CACNA1B: variants seen among roughly 807,000 people sequenced by gnomAD.
CACNA1B encodes voltage-dependent N-type calcium channel subunit alpha-1B.
A neutral mutation model predicts 247.2 loss-of-function variants in CACNA1B; 70 were observed. That is an observed-to-expected ratio of 0.28 (90% CI 0.23 to 0.35). The LOEUF (loss-of-function observed/expected upper bound fraction) is 0.35, where lower values mean the gene tolerates loss of function less well. CACNA1B is among the 10% of genes least tolerant of loss of function. The pLI is 1.00. For synonymous variants in CACNA1B, 1,231 were observed against 1,294.4 expected (o/e 0.95, Z 1.05); for missense variants, 2,367 against 3,197.4 (o/e 0.74, Z 6.26).
chr9:138,080,440 A>C (rs1960488790), intron 36 of CACNA1B, among the ~76,000 whole-genome samples: 2 of 152,342 alleles, frequency 1.3e-5, no homozygotes, highest in South Asian at 4.1e-4. Context: ...TGCCGTCATT[A>C]CATTATCATT....
At chr9:138,038,234 T>C (rs181658768) in intron 20 of CACNA1B, among the ~76,000 whole-genome samples, 3 of 152,364 alleles carry the variant, frequency 2.0e-5, no homozygotes, top group East Asian at 3.9e-4. Context: ...TCTTGGCCAA[T>C]GTTCACCCTT....
At chr9:137,907,427 C>T (rs1957311281) in intron 3 of CACNA1B, among the ~76,000 whole-genome samples, 1 of 152,146 alleles carries the variant, frequency 6.6e-6, no homozygotes, top group Admixed American at 6.5e-5. Context: ...TAAAACTTTC[C>T]TAGAAGTGGC....
intron 39 of CACNA1B, among the ~76,000 whole-genome samples, chr9:138,112,152 G>C (rs1259233028): frequency 7.7e-6 from 1 of 130,630 alleles, no homozygotes. Flanking sequence ...ACACACACGT[G>C]TGCACATGAG....
In CACNA1B at chr9:138,057,702, C is replaced by T; in HGVS notation, c.3969-30C>T. On this transcript the variant is annotated intron_variant, in intron 26 of 46. Coordinates refer to ENST00000371372, the MANE Select transcript of CACNA1B (RefSeq NM_000718.4). This position sits in a 1 kb window ranked among gnomAD's most constrained non-coding sequence, Gnocchi z 4.0. The stretch of plus-strand genomic sequence containing the variant: ...GGTTTATTTGGATCTTTTGTCTTTG[C>T]CCTCTAACCTCCCATGTTCTCATTC... 6.3e-7 allele frequency: 1 copy of T among 1,583,874 alleles called. No homozygotes were observed. The highest frequency in any genetic ancestry group is 8.6e-7 in the Non-Finnish European group (1 of 1,157,310).
At chr9:137,979,367 A>T (rs2133375378) in intron 12 of CACNA1B, among the ~76,000 whole-genome samples, 1 of 152,288 alleles carries the variant, frequency 6.6e-6, no homozygotes, top group South Asian at 2.1e-4. Flanking sequence ...GCCTCTCCAC[A>T]GGCTGCCGGA....
At position 137,952,095 on chromosome 9, in the gene CACNA1B, TG is replaced by T. The variant is rs1388590923; in HGVS notation, c.967-176del. The stretch of plus-strand genomic sequence containing the variant: ...CTGCCAGCAAGGGCACGTCTGCCTG[TG>T]GGTGCTGCCTGGACTCCAGCCCCAT... On this transcript the variant is annotated intron_variant, in intron 6 of 46. Coordinates refer to ENST00000371372, the MANE Select transcript of CACNA1B (RefSeq NM_000718.4). The surrounding 1 kb of genome is among the most constrained non-coding windows in gnomAD (Gnocchi z 4.8). Among the ~76,000 whole-genome samples the T allele has an allele frequency of 6.6e-6, 1 of 152,144 alleles. No individual in the cohort carries two copies. The highest frequency in any genetic ancestry group is 6.5e-5 in the Admixed American group (1 of 15,282).
At position 138,058,475 on chromosome 9, in the gene CACNA1B, C is replaced by G. The variant is rs544830432; in HGVS notation, c.4309-94C>G. On this transcript the variant is annotated intron_variant, in intron 28 of 46. Coordinates refer to ENST00000371372, the MANE Select transcript of CACNA1B (RefSeq NM_000718.4). The surrounding 1 kb of genome is among the most constrained non-coding windows in gnomAD (Gnocchi z 4.7). ...AATTTGTCTTCTGTTGTCAGGGCTCCCTGTGAGGCCTGGCGAGACAGGGCT... is the reference window on the plus strand; with the variant it reads ...AATTTGTCTTCTGTTGTCAGGGCTCGCTGTGAGGCCTGGCGAGACAGGGCT... The G allele has an allele frequency of 2.5e-6, 3 of 1,191,876 alleles. No homozygotes were observed. Among genetic ancestry groups the G allele is most frequent in the Non-Finnish European group, 3.6e-6 (3 of 843,280 alleles). 73.8% of individuals were successfully genotyped at this position (1,191,876 alleles called of 1,614,324 possible).
chr9:137,986,531 C>G lies in CACNA1B; in HGVS notation c.1888C>G (p.Leu630Val). ...IVVFALLGMQ[L>V]FGGQFNFQDE... ...GGTCTTCGCCCTGCTGGGGATGCAG[C>G]TGTTTGGGGGACAGTAAGTGGGCCC... The change falls in exon 14 of 47, where the codon CTG becomes GTG. Residue 630 changes from leucine to valine, a missense_variant. Leu to Val is a conservative substitution (Grantham distance 32). Around this residue, in one of 12 missense-constraint regions of CACNA1B, gnomAD observed 76 missense variants for 191.0 expected, o/e 0.40. Transcript: ENST00000371372. This position sits in a 1 kb window ranked among gnomAD's most constrained non-coding sequence, Gnocchi z 6.0. 1.2e-6 allele frequency: 2 copies of G among 1,613,840 alleles called. No homozygotes were observed. The highest frequency in any genetic ancestry group is 1.7e-6 in the Non-Finnish European group (2 of 1,179,828).
Position 137,930,290 on chromosome 9 carries a change from T to C in CACNA1B, c.966+12859T>C, listed in dbSNP as rs117625973. 4.3e-4 allele frequency among the ~76,000 whole-genome samples: 65 copies of C among 152,346 alleles called. 2 individuals carry two copies. In the East Asian group the frequency reaches 0.012, roughly 28 times the overall value. ...GTGTCCTGCAATTTGATGTGTTGTC[T>C]CTTCACTTTCATTCAGTTCAATGTA... On this transcript the variant is annotated intron_variant, in intron 6 of 46. Transcript: ENST00000371372.
chr9:137,960,112 G>GA, intron 10 of CACNA1B, among the ~76,000 whole-genome samples: 1 of 145,506 alleles, frequency 6.9e-6, no homozygotes, highest in African/African-American at 2.6e-5. Context: ...GTCAGCCTGA[G>GA]GAACTACTCT....
At chr9:138,049,345 G>C (rs1411275303) in intron 24 of CACNA1B, 30 bp downstream of exon 24, 1 of 1,363,268 alleles carries the variant, frequency 7.3e-7, no homozygotes, top group Non-Finnish European at 1.1e-6. Context: ...CTCTGGCTAG[G>C]GAGAGCCCCC....
rs774017061 is a variant in CACNA1B at position 138,121,539 on chromosome 9, G to A, written c.6560G>A (p.Arg2187Gln). 7.5e-6 allele frequency: 12 copies of A among 1,591,814 alleles called. No homozygotes were observed. Among genetic ancestry groups the A allele is most frequent in the South Asian group, 1.1e-5 (1 of 87,860 alleles). ...SGASTPGRGGRRQLPQTPLTP... is the reference protein window; with the variant it reads ...SGASTPGRGGQRQLPQTPLTP... ...GCTAGCACCCCCGGCCGCGGTGGGCGGAGGCAGCTCCCCCAGACGCCCCTG... is the reference window on the plus strand; with the variant it reads ...GCTAGCACCCCCGGCCGCGGTGGGCAGAGGCAGCTCCCCCAGACGCCCCTG... The change falls in exon 47 of 47, where the codon CGG becomes CAG. Residue 2187 changes from arginine to glutamine, a missense_variant. Coordinates refer to ENST00000371372, the MANE Select transcript of CACNA1B (RefSeq NM_000718.4). The surrounding 1 kb of genome is among the most constrained non-coding windows in gnomAD (Gnocchi z 6.8).
At chr9:138,025,833 A>T (rs1958914200) in intron 20 of CACNA1B, among the ~76,000 whole-genome samples, 1 of 152,138 alleles carries the variant, frequency 6.6e-6, no homozygotes, top group Admixed American at 6.5e-5. Context: ...CAGGCCCCTT[A>T]CGTGGTGGGG....
At position 138,052,257 on chromosome 9, in the gene CACNA1B, T is replaced by C. The variant is rs375847276; in HGVS notation, c.3807+69T>C. ...GTGCGTGTGTGTGTGTGCGTGTGTG[T>C]GTGTGTATGCATGCAGTGCATGAGT... On this transcript the variant is annotated intron_variant, in intron 25 of 46. Transcript: ENST00000371372. The surrounding 1 kb of genome is among the most constrained non-coding windows in gnomAD (Gnocchi z 5.1). 5.1e-3 allele frequency: 2,563 copies of C among 504,078 alleles called. 3 individuals carry two copies. Among genetic ancestry groups the C allele is most frequent in the South Asian group, 8.0e-3 (262 of 32,590 alleles). 31.2% of individuals were successfully genotyped at this position (504,078 alleles called of 1,614,324 possible). A position where few individuals can be genotyped will look rare whatever the true frequency, so the allele number is the denominator to read the frequency against.
chr9:138,070,427 G>C (rs1960084825), intron 32 of CACNA1B, among the ~76,000 whole-genome samples: 1 of 152,256 alleles, frequency 6.6e-6, no homozygotes, highest in Non-Finnish European at 1.5e-5. Flanking sequence ...GCATGTCACT[G>C]AATTGTGTAT....
chr9:138,040,465 T>C (rs1023301330), intron 20 of CACNA1B: 10 of 177,516 alleles, frequency 5.6e-5, no homozygotes, highest in African/African-American at 2.7e-4. Flanking sequence ...TATATATATA[T>C]GTATCTCCTA....
chr9:137,937,748 C>A (rs1957684507), intron 6 of CACNA1B, among the ~76,000 whole-genome samples: 2 of 151,826 alleles, frequency 1.3e-5, no homozygotes. Flanking sequence ...GAGTTTGTGA[C>A]CAGCCTGACC....
In CACNA1B at chr9:138,072,399, G is replaced by A. The variant is rs1027475634; in HGVS notation, c.4675-1089G>A. On this transcript the variant is annotated intron_variant, in intron 32 of 46. Transcript: ENST00000371372. This position sits in a 1 kb window ranked among gnomAD's most constrained non-coding sequence, Gnocchi z 4.5. ...CACCTAACGGTAGCCCTGGAGAGTCGGGATGCTCTGCCAGGCCCTCACCGC... is the reference window on the plus strand; with the variant it reads ...CACCTAACGGTAGCCCTGGAGAGTCAGGATGCTCTGCCAGGCCCTCACCGC... 1.3e-5 allele frequency among the ~76,000 whole-genome samples: 2 copies of A among 152,208 alleles called. No homozygotes were observed. Among genetic ancestry groups the A allele is most frequent in the East Asian group, 1.9e-4 (1 of 5,196 alleles).
At chr9:137,987,042 G>T (rs906209563) in intron 15 of CACNA1B, among the ~76,000 whole-genome samples, 188 bp downstream of exon 15, 1 of 152,202 alleles carries the variant, frequency 6.6e-6, no homozygotes, top group African/African-American at 2.4e-5. Flanking sequence ...CTCCAGGTCC[G>T]GGGGCCCCAG....
Sources: allele counts gnomAD v4.1 joint callset (sites outside exome capture counted in the v4.1 genomes callset), GRCh38; gene constraint gnomAD v4.1.1; regional missense constraint gnomAD v4.1.1; non-coding constraint Gnocchi (gnomAD v3.1); transcripts MANE v1.5; gene names NCBI Gene and HGNC (gene_info 2026-07-23, HGNC 2026-07-21).